The following SERPINB1 variants were observed in gnomAD, a reference collection of about 807,000 sequenced individuals.
SERPINB1 encodes serpin family B member 1.
SERPINB1 carries 23 observed loss-of-function variants against 25.9 expected under a neutral mutation model. The observed-to-expected ratio is 0.89, with a 90% CI of 0.64 to 1.26. SERPINB1 has a LOEUF of 1.26. Among genes scored for constraint, SERPINB1 ranks in the 50% most tolerant of loss-of-function variants. SERPINB1 has a pLI of 0.00. For missense variants in SERPINB1, 399 were observed against 463.6 expected, an observed-to-expected ratio of 0.86 and a Z score of 1.28; for synonymous variants, 178 against 178.7, an observed-to-expected ratio of 1.00 and a Z score of 0.03.
rs1766652462 is a variant in SERPINB1, at chr6:2,841,493, C to G, written c.-9+319G>C. The stretch of plus-strand genomic sequence containing the variant: ...AAACAGCTCTGGGAGGAAGGGAATT[C>G]AGGGAGAAGGGACAACATTCTGATC... On this transcript the variant is annotated intron_variant, in intron 1 of 6. Coordinates refer to ENST00000380739, the MANE Select transcript of SERPINB1 (RefSeq NM_030666.4). This position sits in a 1 kb window ranked among gnomAD's most constrained non-coding sequence, Gnocchi z 4.5. 6.6e-6 allele frequency: 1 copy of G among 152,458 alleles called. No individual in the cohort carries two copies. The highest frequency in any genetic ancestry group is 2.1e-4 in the South Asian group (1 of 4,828). 9.4% of individuals were successfully genotyped at this position (152,458 alleles called of 1,614,324 possible). A position where few individuals can be genotyped will look rare whatever the true frequency, so the allele number is the denominator to read the frequency against.
In SERPINB1 at chr6:2,835,339, T is replaced by C. The variant is rs1333631254; in HGVS notation, c.735+517A>G. 7.9e-5 allele frequency among the ~76,000 whole-genome samples: 12 copies of C among 152,366 alleles called. No homozygotes were observed. The East Asian group carries it at 1.3e-3, about 17-fold the overall frequency. On this transcript the variant is annotated intron_variant, in intron 6 of 6. Transcript: ENST00000380739. The stretch of plus-strand genomic sequence containing the variant: ...ACAGTGTAATAATAGAATTTTATAG[T>C]ACGTGATGAAGATATATGCTACACT...
chr6:2,837,362 T>C lies in SERPINB1; in HGVS notation c.424+520A>G, dbSNP rs1766521847. Among the ~76,000 whole-genome samples, 1 of 152,182 alleles carries C rather than the reference T, an allele frequency of 6.6e-6. No homozygotes were observed. The highest frequency in any genetic ancestry group is 6.5e-5 in the Admixed American group (1 of 15,278). The stretch of plus-strand genomic sequence containing the variant: ...GGCATGATCTCGGCTCACTGTAACC[T>C]TTACCTCCTGTGTTCGAGAGATTCT... On this transcript the variant is annotated intron_variant, in intron 4 of 6. Coordinates refer to ENST00000380739, the MANE Select transcript of SERPINB1 (RefSeq NM_030666.4). This position sits in a 1 kb window ranked among gnomAD's most constrained non-coding sequence, Gnocchi z 4.3.
intron 6 of SERPINB1, among the ~76,000 whole-genome samples, chr6:2,834,914 A>G (rs1766441441): frequency 1.3e-5 from 2 of 152,274 alleles, no homozygotes; most frequent in Middle Eastern, 3.4e-3. Context: ...TATCATTACT[A>G]TTGTTATAGC....
chr6:2,840,529 T>G lies in SERPINB1; in HGVS notation c.58A>C (p.Ser20Arg), dbSNP rs375795650. The change falls in exon 2 of 7, where the codon AGT (serine) becomes CGT (arginine). Residue 20 changes from serine (S) to arginine (R), a missense_variant. Transcript: ENST00000380739. ...RFALDLFLAL[S>R]ENNPAGNIFI... ...ATGTTTCCAGCCGGATTGTTCTCAC[T>G]CAACGCCAGGAACAGGTCCAAGGCG... The G allele has an allele frequency of 6.2e-7, 1 of 1,614,148 alleles. No homozygotes were observed. Among genetic ancestry groups the G allele is most frequent in the Non-Finnish European group, 8.5e-7 (1 of 1,180,018 alleles).
rs1766512956 is a variant in SERPINB1 at position 2,837,083 on chromosome 6, T to C, written c.424+799A>G. On this transcript the variant is annotated intron_variant, in intron 4 of 6. Coordinates refer to ENST00000380739, the MANE Select transcript of SERPINB1 (RefSeq NM_030666.4). This position sits in a 1 kb window ranked among gnomAD's most constrained non-coding sequence, Gnocchi z 4.3. ...TCCCCACCTACCACAACTTTTTTAC[T>C]GGACAAGATGTTGGCAAAAAATTTA... is the stretch of plus-strand genomic sequence containing the variant. Among the ~76,000 whole-genome samples, 1 of 152,168 alleles carries C rather than the reference T, an allele frequency of 6.6e-6. No homozygotes were observed. Among genetic ancestry groups the C allele is most frequent in the Non-Finnish European group, 1.5e-5 (1 of 68,016 alleles).
At chr6:2,834,439 T>TACCCATCC (rs1766429163) in intron 6 of SERPINB1, among the ~76,000 whole-genome samples, 1 of 146,676 alleles carries the variant, frequency 6.8e-6, no homozygotes, top group African/African-American at 2.5e-5. Flanking sequence ...ATCATCCATC[T>TACCCATCC]ACCCATCCAC....
In SERPINB1 at chr6:2,837,813, G is replaced by A. The variant is rs1766536201; in HGVS notation, c.424+69C>T. The A allele has an allele frequency of 8.6e-7, 1 of 1,163,886 alleles. No individual in the cohort carries two copies. Among genetic ancestry groups the A allele is most frequent in the Admixed American group, 1.7e-5 (1 of 57,862 alleles). The allele number at this position is 1,163,886 out of a possible 1,614,324, so 72.1% of individuals were successfully genotyped here. A position where few individuals can be genotyped will look rare whatever the true frequency, so the allele number is the denominator to read the frequency against. ...GCTGGGGAGGGAATAACTGCAGGTA[G>A]GGAAGGCGGACTGAGGAAACGAATG... On this transcript the variant is annotated intron_variant, in intron 4 of 6. Transcript: ENST00000380739. The surrounding 1 kb of genome is among the most constrained non-coding windows in gnomAD (Gnocchi z 4.3).
chr6:2,839,754 T>C (rs377695977), intron 2 of SERPINB1, among the ~76,000 whole-genome samples: 10 of 152,296 alleles, frequency 6.6e-5, no homozygotes, highest in African/African-American at 2.4e-4. Flanking sequence ...GTCCTCTCCA[T>C]GTCCATTATG....
chr6:2,837,413 G>A lies in SERPINB1; in HGVS notation c.424+469C>T, dbSNP rs534611209. 7.3e-4 allele frequency among the ~76,000 whole-genome samples: 111 copies of A among 152,036 alleles called. 1 individual carries two copies. The highest frequency in any genetic ancestry group is 1.1e-3 in the Non-Finnish European group (73 of 67,978). Reference sequence around the variant, plus strand: ...CCTGCCTCAGCCTCCAGAGTAGCTGGGATTACAGGTGTGTGCTACCACACC... The same window carrying A: ...CCTGCCTCAGCCTCCAGAGTAGCTGAGATTACAGGTGTGTGCTACCACACC... On this transcript the variant is annotated intron_variant, in intron 4 of 6. Transcript: ENST00000380739. The surrounding 1 kb of genome is among the most constrained non-coding windows in gnomAD (Gnocchi z 4.3).
At position 2,833,504 on chromosome 6, in the gene SERPINB1, G is replaced by T; in HGVS notation, c.*104C>A. ...CAAAGAAAATGAAAGACTTGTTTCT[G>T]AACAGTGGTTTTATTGGTAAAGATA... On this transcript the variant is annotated 3_prime_UTR_variant, in exon 7 of 7. Transcript: ENST00000380739. 1 of 1,108,908 alleles carries T rather than the reference G, an allele frequency of 9.0e-7. No homozygotes were observed. Among genetic ancestry groups the T allele is most frequent in the Non-Finnish European group, 1.2e-6 (1 of 803,254 alleles). The allele number at this position is 1,108,908 out of a possible 1,614,324, so 68.7% of individuals were successfully genotyped here.
At chr6:2,840,752 C>G (rs1315515396) in intron 1 of SERPINB1, among the ~76,000 whole-genome samples, 158 bp from the exon 2 acceptor site, 1 of 152,238 alleles carries the variant, frequency 6.6e-6, no homozygotes, top group Non-Finnish European at 1.5e-5. Context: ...AGGGCAAGAA[C>G]ACTTTCCCAG....
At chr6:2,834,074 A>G (rs1766418145) in intron 6 of SERPINB1, 62 bp from the exon 7 acceptor site, 2 of 1,425,708 alleles carry the variant, frequency 1.4e-6, no homozygotes, top group Middle Eastern at 1.8e-4. Context: ...AAGGCAATAA[A>G]GTATTATTGA....
At chr6:2,835,159 G>A (rs1377367806) in intron 6 of SERPINB1, among the ~76,000 whole-genome samples, 2 of 152,158 alleles carry the variant, frequency 1.3e-5, no homozygotes, top group African/African-American at 2.4e-5. Flanking sequence ...GGGAGGAGAC[G>A]GAGAGCACAG....
chr6:2,834,042 G>A, intron 6 of SERPINB1, 30 bp from the exon 7 acceptor site: 1 of 1,546,722 alleles, frequency 6.5e-7, no homozygotes. Flanking sequence ...GAAAGAGGAA[G>A]TGATATCAAT....
chr6:2,837,386 C>A lies in SERPINB1; in HGVS notation c.424+496G>T, dbSNP rs1461200665. 6.6e-6 allele frequency among the ~76,000 whole-genome samples: 1 copy of A among 152,010 alleles called. No homozygotes were observed. Among genetic ancestry groups the A allele is most frequent in the African/African-American group, 2.4e-5 (1 of 41,374 alleles). ...CTTTACCTCCTGTGTTCGAGAGATT[C>A]TCCTGCCTCAGCCTCCAGAGTAGCT... On this transcript the variant is annotated intron_variant, in intron 4 of 6. Transcript: ENST00000380739. The surrounding 1 kb of genome is among the most constrained non-coding windows in gnomAD (Gnocchi z 4.3).
chr6:2,833,455 A>G lies in SERPINB1; in HGVS notation c.*153T>C. ...TACCCATGCCAAAATTCATGGGTGT[A>G]AACAGCCAACAGAGCCAAACTTACA... On this transcript the variant is annotated 3_prime_UTR_variant, in exon 7 of 7. Transcript: ENST00000380739. The G allele has an allele frequency of 1.4e-6, 1 of 739,342 alleles. No homozygotes were observed. The highest frequency in any genetic ancestry group is 2.4e-5 in the South Asian group (1 of 41,556). 45.8% of individuals were successfully genotyped at this position (739,342 alleles called of 1,614,324 possible). A position where few individuals can be genotyped will look rare whatever the true frequency, so the allele number is the denominator to read the frequency against.
In SERPINB1 at chr6:2,840,466, T is replaced by C. The variant is rs61748572; in HGVS notation, c.121A>G (p.Met41Val). The change falls in exon 2 of 7, where the codon ATG becomes GTG. Residue 41 changes from methionine to valine, a missense_variant. Transcript: ENST00000380739. ...TTACCTCTGGTCCCCAGAAAAACCA[T>C]GGCCATAGCAGATGAAATGCTGAAG... ...SPFSISSAMA[M>V]VFLGTRGNTA... 9 of 1,614,078 alleles carry C rather than the reference T, an allele frequency of 5.6e-6. No individual in the cohort carries two copies. Among genetic ancestry groups the C allele is most frequent in the South Asian group, 2.2e-5 (2 of 91,076 alleles).
rs755507815 is a variant in SERPINB1, at chr6:2,836,265, A to T, written c.425-15T>A. On this transcript the variant is annotated splice_polypyrimidine_tract_variant and intron_variant, in intron 4 of 6. Transcript: ENST00000380739. ...CGGAATTTTTCCTAAAAAAAAATCAAGTTAGCGTAAAAAAAATCCAAATCG... is the reference window on the plus strand; with the variant it reads ...CGGAATTTTTCCTAAAAAAAAATCATGTTAGCGTAAAAAAAATCCAAATCG... The T allele has an allele frequency of 6.3e-6, 10 of 1,581,772 alleles. No individual in the cohort carries two copies. The East Asian group carries it at 2.2e-4, about 35-fold the overall frequency.
chr6:2,838,499 T>C (rs1211326878), intron 3 of SERPINB1, 50 bp downstream of exon 3: 1 of 1,435,632 alleles, frequency 7.0e-7, no homozygotes, highest in Non-Finnish European at 9.2e-7. Flanking sequence ...TGCTGGAAAA[T>C]ATCTGCACTG....
Sources: gnomAD v4.1 joint callset for allele counts (sites outside exome capture counted in the v4.1 genomes callset) on GRCh38, gnomAD v4.1.1 for gene constraint, Gnocchi (gnomAD v3.1) non-coding constraint, MANE v1.5 for transcripts, NCBI Gene and HGNC (gene_info 2026-07-23, HGNC 2026-07-21) for gene names.